ZNRF2: variants seen among roughly 807,000 people sequenced by gnomAD.
ZNRF2 encodes E3 ubiquitin-protein ligase ZNRF2.
A neutral mutation model predicts 20.4 loss-of-function variants in ZNRF2; 16 were observed. The observed-to-expected ratio is 0.79, with a 90% CI of 0.53 to 1.19. The LOEUF (loss-of-function observed/expected upper bound fraction) is 1.19, where lower values mean the gene tolerates loss of function less well. ZNRF2 is among the 50% of genes most tolerant of loss of function. The pLI is 0.00. For synonymous variants in ZNRF2, 178 were observed against 144.9 expected (o/e 1.23, Z -1.64); for missense variants, 363 against 332.4 (o/e 1.09, Z -0.72).
intron 3 of ZNRF2, among the ~76,000 whole-genome samples, chr7:30,361,634 A>G (rs972638236): frequency 1.3e-5 from 2 of 152,252 alleles, no homozygotes; most frequent in Non-Finnish European, 2.9e-5. Context: ...AATGTTCTAT[A>G]TCTATGCTGT....
Position 30,324,972 on chromosome 7 carries a change from C to T in ZNRF2, c.565+1235C>T, listed in dbSNP as rs937248724. Among the ~76,000 whole-genome samples, 3 of 152,214 alleles carry T rather than the reference C, an allele frequency of 2.0e-5. No individual in the cohort carries two copies. The East Asian group carries it at 5.8e-4, about 29-fold the overall frequency. On this transcript the variant is annotated intron_variant, in intron 2 of 4. Transcript: ENST00000323037. ...TGCATATGTGTCTCTGTCTTTCCTC[C>T]CATATACAAATTTAGTCTGTGAGCT...
intron 1 of ZNRF2, among the ~76,000 whole-genome samples, chr7:30,320,217 T>A (rs1799446208): frequency 6.6e-6 from 1 of 152,098 alleles, no homozygotes. Flanking sequence ...TATGTAGATC[T>A]CTATACAGAT....
intron 1 of ZNRF2, among the ~76,000 whole-genome samples, chr7:30,305,324 G>A (rs1048305233): frequency 1.3e-5 from 2 of 152,020 alleles, no homozygotes; most frequent in African/African-American, 2.4e-5. Flanking sequence ...CTGAAGCTTC[G>A]AGCATTCTAA....
Position 30,315,301 on chromosome 7 carries a change from T to G in ZNRF2, c.470-8341T>G, listed in dbSNP as rs1310213920. ...AAATAATCCCTTGGAAATCTCAAAA[T>G]AGACCCCCTATGATTGTTGCATGGT... On this transcript the variant is annotated intron_variant, in intron 1 of 4. Coordinates refer to ENST00000323037, the MANE Select transcript of ZNRF2 (RefSeq NM_147128.4). Among the ~76,000 whole-genome samples the G allele has an allele frequency of 2.6e-5, 4 of 152,344 alleles. No individual in the cohort carries two copies. In the East Asian group the frequency reaches 7.7e-4, roughly 29 times the overall value.
At chr7:30,355,701 T>C in intron 2 of ZNRF2, 27 bp from the exon 3 acceptor site, 1 of 1,558,280 alleles carries the variant, frequency 6.4e-7, no homozygotes. Context: ...AATTTTATTG[T>C]CCTGAATTCA....
intron 1 of ZNRF2, among the ~76,000 whole-genome samples, chr7:30,301,693 CT>C (rs1196745011): frequency 2.0e-3 from 227 of 116,386 alleles, no homozygotes; most frequent in Admixed American, 2.9e-3. Context: ...GATAATGAGG[CT>C]TTTTTTAAAA....
chr7:30,322,168 G>A (rs1296144636), intron 1 of ZNRF2, among the ~76,000 whole-genome samples: 1 of 152,108 alleles, frequency 6.6e-6, no homozygotes, highest in Admixed American at 6.6e-5. Context: ...AGAAGTTGAA[G>A]TAAACATACC....
At chr7:30,340,896 T>A (rs1223970924) in intron 2 of ZNRF2, among the ~76,000 whole-genome samples, 1 of 152,188 alleles carries the variant, frequency 6.6e-6, no homozygotes, top group Non-Finnish European at 1.5e-5. Context: ...TGATAGGCTA[T>A]TAATTACTGC....
At chr7:30,315,805 A>G (rs1055947482) in intron 1 of ZNRF2, among the ~76,000 whole-genome samples, 1 of 150,198 alleles carries the variant, frequency 6.7e-6, no homozygotes, top group Middle Eastern at 3.5e-3. Context: ...ATGAGTCATT[A>G]CAGCATACTG....
At chr7:30,353,041 A>G (rs967006898) in intron 2 of ZNRF2, among the ~76,000 whole-genome samples, 2 of 152,116 alleles carry the variant, frequency 1.3e-5, no homozygotes, top group African/African-American at 4.8e-5. Flanking sequence ...GGCAAAAATT[A>G]ATCACATTCC....
intron 1 of ZNRF2, among the ~76,000 whole-genome samples, chr7:30,300,548 T>C (rs183604914): frequency 6.6e-6 from 1 of 152,380 alleles, no homozygotes; most frequent in East Asian, 1.9e-4. Flanking sequence ...ACTTCCTGTT[T>C]TATCTATTCT....
At chr7:30,359,766 C>T (rs533553039) in intron 3 of ZNRF2, among the ~76,000 whole-genome samples, 3 of 152,210 alleles carry the variant, frequency 2.0e-5, no homozygotes, top group South Asian at 4.1e-4. Context: ...TTTAAAAAAA[C>T]GTATTTACAG....
chr7:30,313,711 T>A (rs1799324592), intron 1 of ZNRF2, among the ~76,000 whole-genome samples: 1 of 152,054 alleles, frequency 6.6e-6, no homozygotes, highest in African/African-American at 2.4e-5. Flanking sequence ...CATCCTCCTA[T>A]TCTGTAGTGA....
At chr7:30,343,815 T>G (rs1022780677) in intron 2 of ZNRF2, among the ~76,000 whole-genome samples, 6 of 151,978 alleles carry the variant, frequency 3.9e-5, no homozygotes, top group African/African-American at 1.4e-4. Context: ...TTTTGTTGGT[T>G]TAGCCCATTT....
rs567398216 is a variant in ZNRF2, at chr7:30,345,193, C to T, written c.566-10535C>T. ...CATTACTGCATTTCCTTTTCTCGTT[C>T]TCTGTAGAGAACATTTTTTTCCCTC... On this transcript the variant is annotated intron_variant, in intron 2 of 4. Coordinates refer to ENST00000323037, the MANE Select transcript of ZNRF2 (RefSeq NM_147128.4). Among the ~76,000 whole-genome samples, 38 of 147,414 alleles carry T rather than the reference C, an allele frequency of 2.6e-4. 1 individual carries two copies. The South Asian group carries it at 7.9e-3, about 31-fold the overall frequency.
At chr7:30,304,089 G>C (rs79773027) in intron 1 of ZNRF2, among the ~76,000 whole-genome samples, 2,143 of 152,058 alleles carry the variant, frequency 0.014, 20 homozygotes, top group South Asian at 0.036. Flanking sequence ...GTTTACCTTC[G>C]CAGTGAAGTC....
intron 2 of ZNRF2, among the ~76,000 whole-genome samples, chr7:30,330,387 G>A (rs918626771): frequency 9.2e-5 from 14 of 152,106 alleles, no homozygotes; most frequent in Non-Finnish European, 2.1e-4. Context: ...TGAGCCAGTT[G>A]GAAGGCAATT....
intron 2 of ZNRF2, among the ~76,000 whole-genome samples, chr7:30,329,146 TA>T (rs1408240422): frequency 6.6e-6 from 1 of 152,202 alleles, no homozygotes; most frequent in Non-Finnish European, 1.5e-5. Flanking sequence ...TTAGTTTTTT[TA>T]AAAAATTTTA....
intron 3 of ZNRF2, among the ~76,000 whole-genome samples, chr7:30,359,332 TAA>T (rs1198966310): frequency 6.6e-6 from 1 of 152,170 alleles, no homozygotes; most frequent in Admixed American, 6.6e-5. Context: ...AGCAAAAAAG[TAA>T]AAAACTAGAC....
Sources: allele counts gnomAD v4.1 joint callset (sites outside exome capture counted in the v4.1 genomes callset), GRCh38; gene constraint gnomAD v4.1.1; transcripts MANE v1.5; gene names NCBI Gene and HGNC (gene_info 2026-07-23, HGNC 2026-07-21).